Variants in BSPRY observed in about 807,000 individuals in gnomAD.
BSPRY encodes B box and SPRY domain-containing protein.
A neutral mutation model predicts 38.0 loss-of-function variants in BSPRY; 33 were observed. The observed-to-expected ratio is 0.87, with a 90% CI of 0.66 to 1.16. The LOEUF is 1.16. Ranked by LOEUF, BSPRY falls within the 50% of genes most tolerant of loss-of-function variation. The probability of loss-of-function intolerance (pLI) is 0.00; values close to 1 mark genes in which losing one functional copy is unlikely to be tolerated. For missense variants in BSPRY, 523 were observed against 533.2 expected, an observed-to-expected ratio of 0.98 and a Z score of 0.19; for synonymous variants, 224 against 228.5, an observed-to-expected ratio of 0.98 and a Z score of 0.18.
At position 113,369,662 on chromosome 9, in the gene BSPRY, G is replaced by A; in HGVS notation, c.729G>A (p.Leu243=). The A allele has an allele frequency of 6.2e-7, 1 of 1,614,154 alleles. No individual in the cohort carries two copies. The highest frequency in any genetic ancestry group is 8.5e-7 in the Non-Finnish European group (1 of 1,180,016). The part of the protein sequence containing the change: ...RIDERTVSPF[L]QLSDDRKTLT... Reference sequence around the variant, plus strand: ...ATGAGAGGACAGTCAGCCCCTTCCTGCAATTGTCAGATGATCGAAAGACCC... The same window carrying A: ...ATGAGAGGACAGTCAGCCCCTTCCTACAATTGTCAGATGATCGAAAGACCC... Residue 243 remains leucine (L), a synonymous_variant, in exon 6 of 6, where the codon CTG becomes CTA. Transcript: ENST00000374183.
chr9:113,369,768 A>G lies in BSPRY; in HGVS notation c.835A>G (p.Thr279Ala). The G allele has an allele frequency of 2.5e-6, 4 of 1,614,140 alleles. No individual in the cohort carries two copies. Among genetic ancestry groups the G allele is most frequent in the Non-Finnish European group, 3.4e-6 (4 of 1,180,010 alleles). ...CCACTGGCCCAATGCCCTGGCTGCC[A>G]CCTCCTTCCAGAATGGGCTCCATGC... is the stretch of plus-strand genomic sequence containing the variant. Reference protein sequence around the residue: ...FDHWPNALAATSFQNGLHAWM... With the variant: ...FDHWPNALAAASFQNGLHAWM... The change falls in exon 6 of 6, where the codon ACC (threonine) becomes GCC (alanine). Residue 279 changes from threonine to alanine, a missense_variant. Transcript: ENST00000374183.
intron 4 of BSPRY, among the ~76,000 whole-genome samples, chr9:113,365,151 G>A (rs938311002): frequency 6.6e-6 from 1 of 152,054 alleles, no homozygotes; most frequent in Non-Finnish European, 1.5e-5. Context: ...TGTCAATTTT[G>A]AGCACTTGGA....
At chr9:113,356,462 G>A (rs1172777948) in intron 2 of BSPRY, among the ~76,000 whole-genome samples, 2 of 151,714 alleles carry the variant, frequency 1.3e-5, no homozygotes, top group African/African-American at 4.9e-5. Context: ...CTGAGACTGC[G>A]CACTGCACTG....
rs533895125 is a variant in BSPRY, at chr9:113,370,824, C to T, written c.*682C>T. ...AAGCCTGTGGCTAAAGTTTCCACAT[C>T]CCATTAACTCAGTGCTTTTGTCTTT... On this transcript the variant is annotated 3_prime_UTR_variant, in exon 6 of 6. Coordinates refer to ENST00000374183, the MANE Select transcript of BSPRY (RefSeq NM_017688.3). This position sits in a 1 kb window ranked among gnomAD's most constrained non-coding sequence, Gnocchi z 4.8. 6.6e-6 allele frequency: 1 copy of T among 152,236 alleles called. No individual in the cohort carries two copies. The highest frequency in any genetic ancestry group is 2.4e-5 in the African/African-American group (1 of 41,458). 9.4% of individuals were successfully genotyped at this position (152,236 alleles called of 1,614,324 possible). A position where few individuals can be genotyped will look rare whatever the true frequency, so the allele number is the denominator to read the frequency against.
chr9:113,350,828 G>C (rs192049525), intron 1 of BSPRY, among the ~76,000 whole-genome samples: 34 of 152,226 alleles, frequency 2.2e-4, no homozygotes, highest in Admixed American at 1.5e-3. Flanking sequence ...AATAAACCTG[G>C]ATAACGCGGT....
At position 113,362,468 on chromosome 9, in the gene BSPRY, G is replaced by T. The variant is rs1444644226; in HGVS notation, c.557+74G>T. 25 of 1,487,098 alleles carry T rather than the reference G, an allele frequency of 1.7e-5. No individual in the cohort carries two copies. In the East Asian group the frequency reaches 5.7e-4, roughly 34 times the overall value. The allele number at this position is 1,487,098 out of a possible 1,614,324, so 92.1% of individuals were successfully genotyped here. ...ACCTCTTCACACTCCACTGCCTTCA[G>T]CCCTGCTGCTCTTGGGAGAATGCAC... On this transcript the variant is annotated intron_variant, in intron 4 of 5. Transcript: ENST00000374183.
intron 3 of BSPRY, among the ~76,000 whole-genome samples, chr9:113,361,700 G>A (rs1275729780): frequency 6.6e-6 from 1 of 152,196 alleles, no homozygotes; most frequent in Non-Finnish European, 1.5e-5. Context: ...AGAGAACACT[G>A]TGCTCCGGGG....
chr9:113,361,575 A>G (rs1160767418), intron 3 of BSPRY, among the ~76,000 whole-genome samples: 3 of 152,190 alleles, frequency 2.0e-5, no homozygotes, highest in African/African-American at 7.2e-5. Context: ...GCTAGGGGAA[A>G]GAGGGGTCAG....
intron 5 of BSPRY, 65 bp downstream of exon 5, chr9:113,368,448 A>T (rs551041141): frequency 3.8e-6 from 6 of 1,567,486 alleles, no homozygotes; most frequent in Non-Finnish European, 5.2e-6. Context: ...TCTGGGGTTC[A>T]CTCCTGGTTC....
At chr9:113,354,958 C>T (rs1834033244) in intron 2 of BSPRY, among the ~76,000 whole-genome samples, 2 of 152,122 alleles carry the variant, frequency 1.3e-5, no homozygotes, top group Admixed American at 1.3e-4. Context: ...CTGGTTCAAG[C>T]AATTCTCCTG....
Position 113,370,173 on chromosome 9 carries a change from C to T in BSPRY, c.*31C>T. ...GGCCACAGGAAGCCAGGTCCACCGC[C>T]CACCACCCTTTCAGGCCATGTTTCT... On this transcript the variant is annotated 3_prime_UTR_variant, in exon 6 of 6. Transcript: ENST00000374183. This position sits in a 1 kb window ranked among gnomAD's most constrained non-coding sequence, Gnocchi z 4.8. 6.6e-7 allele frequency: 1 copy of T among 1,522,984 alleles called. No homozygotes were observed. The highest frequency in any genetic ancestry group is 8.8e-7 in the Non-Finnish European group (1 of 1,136,404). The allele number at this position is 1,522,984 out of a possible 1,614,324, so 94.3% of individuals were successfully genotyped here. A position where few individuals can be genotyped will look rare whatever the true frequency, so the allele number is the denominator to read the frequency against.
intron 1 of BSPRY, 122 bp downstream of exon 1, chr9:113,349,902 GCTC>G: frequency 8.6e-7 from 1 of 1,165,508 alleles, no homozygotes; most frequent in East Asian, 3.6e-5. Flanking sequence ...CGGAGCCTAG[GCTC>G]CTCGGTGGCT....
chr9:113,368,431 C>T (rs777962703), intron 5 of BSPRY, 48 bp downstream of exon 5: 1 of 1,597,566 alleles, frequency 6.3e-7, no homozygotes, highest in South Asian at 1.1e-5. Flanking sequence ...GGGCTTCTGT[C>T]TGTCTGTCTG....
chr9:113,361,604 G>A (rs1376109680), intron 3 of BSPRY, among the ~76,000 whole-genome samples: 1 of 152,174 alleles, frequency 6.6e-6, no homozygotes, highest in Non-Finnish European at 1.5e-5. Context: ...CCCGGATGAA[G>A]CGACTTAGAA....
At chr9:113,351,540 G>A (rs1833970732) in intron 1 of BSPRY, among the ~76,000 whole-genome samples, 1 of 152,122 alleles carries the variant, frequency 6.6e-6, no homozygotes, top group South Asian at 2.1e-4. Context: ...CCTATGAAAT[G>A]TAACTAATTT....
intron 4 of BSPRY, among the ~76,000 whole-genome samples, chr9:113,365,563 C>T (rs1169711696): frequency 6.6e-6 from 1 of 152,186 alleles, no homozygotes; most frequent in African/African-American, 2.4e-5. Context: ...TCAACTTGTG[C>T]TTTTCCTGCC....
At chr9:113,354,812 T>C (rs1270753843) in intron 2 of BSPRY, among the ~76,000 whole-genome samples, 1 of 152,172 alleles carries the variant, frequency 6.6e-6, no homozygotes, top group East Asian at 1.9e-4. Context: ...CTGGATCTTC[T>C]GTCTCCTAGG....
Position 113,369,905 on chromosome 9 carries a change from C to T in BSPRY, c.972C>T (p.Ser324=). 1.2e-6 allele frequency: 2 copies of T among 1,614,252 alleles called. No homozygotes were observed. The highest frequency in any genetic ancestry group is 1.7e-6 in the Non-Finnish European group (2 of 1,180,038). Residue 324 remains serine, a synonymous_variant, in exon 6 of 6, where the codon TCC becomes TCT. Coordinates refer to ENST00000374183, the MANE Select transcript of BSPRY (RefSeq NM_017688.3). ...SDCRLGHNAF[S]WVFSRYDQEF... Reference sequence around the variant, plus strand: ...GCCGTCTGGGCCACAATGCCTTCTCCTGGGTCTTCTCTCGCTATGATCAGG... The same window carrying T: ...GCCGTCTGGGCCACAATGCCTTCTCTTGGGTCTTCTCTCGCTATGATCAGG...
intron 2 of BSPRY, among the ~76,000 whole-genome samples, chr9:113,360,238 C>T (rs1452386661): frequency 6.6e-6 from 1 of 152,182 alleles, no homozygotes; most frequent in African/African-American, 2.4e-5. Flanking sequence ...GCTCTAAGTC[C>T]TGCCCAGGTC....
Sources: gnomAD v4.1 joint callset for allele counts (sites outside exome capture counted in the v4.1 genomes callset) on GRCh38, gnomAD v4.1.1 for gene constraint, Gnocchi (gnomAD v3.1) non-coding constraint, MANE v1.5 for transcripts, NCBI Gene and HGNC (gene_info 2026-07-23, HGNC 2026-07-21) for gene names.